PABPC4L: variants seen among roughly 807,000 people sequenced by gnomAD.
The protein encoded by PABPC4L is poly(A) binding protein cytoplasmic 4 like.
For synonymous variants in PABPC4L, 169 were observed against 164.1 expected, an observed-to-expected ratio of 1.03 and a Z score of -0.23; for missense variants, 452 against 451.4, an observed-to-expected ratio of 1.00 and a Z score of -0.01.
At chr4:134,161,412 G>A in the PABPC4L span, among the ~76,000 whole-genome samples, 1 of 151,978 alleles carries the variant, frequency 6.6e-6, no homozygotes, top group Non-Finnish European at 1.5e-5. Flanking sequence ...GATAAACAAA[G>A]AATCCTAATA....
At chr4:133,966,358 G>T in the PABPC4L span, among the ~76,000 whole-genome samples, 2 of 152,110 alleles carry the variant, frequency 1.3e-5, no homozygotes, top group Non-Finnish European at 1.5e-5. Flanking sequence ...CTGTTCATGG[G>T]AATGTAAGCT....
chr4:134,090,807 G>T, the PABPC4L span, among the ~76,000 whole-genome samples: 1 of 151,744 alleles, frequency 6.6e-6, no homozygotes. Context: ...CCTATGAAAT[G>T]ATGCAATAGT....
chr4:134,107,035 TA>T, the PABPC4L span, among the ~76,000 whole-genome samples: 1 of 151,490 alleles, frequency 6.6e-6, no homozygotes, highest in Non-Finnish European at 1.5e-5. Flanking sequence ...ATCATTTAAA[TA>T]ATAATAATAT....
the PABPC4L span, among the ~76,000 whole-genome samples, chr4:134,118,664 C>G: frequency 1.3e-5 from 2 of 151,532 alleles, no homozygotes; most frequent in South Asian, 4.1e-4. Context: ...ATTAATACAG[C>G]TGGATTTTAT....
At chr4:134,047,351 C>A in the PABPC4L span, among the ~76,000 whole-genome samples, 1 of 151,994 alleles carries the variant, frequency 6.6e-6, no homozygotes, top group Non-Finnish European at 1.5e-5. Context: ...CAGCCCTGAA[C>A]AAAGAACAGA....
chr4:134,059,580 G>T, the PABPC4L span, among the ~76,000 whole-genome samples: 594 of 151,010 alleles, frequency 3.9e-3, 4 homozygotes, highest in African/African-American at 0.014. Context: ...AGAACATATG[G>T]CACTGATGAA....
chr4:134,080,501 C>T, the PABPC4L span, among the ~76,000 whole-genome samples: 1 of 152,046 alleles, frequency 6.6e-6, no homozygotes, highest in African/African-American at 2.4e-5. Context: ...GAAAAAAAAT[C>T]CATTTTCCAG....
the PABPC4L span, among the ~76,000 whole-genome samples, chr4:134,058,207 G>A: frequency 1.2e-4 from 18 of 151,992 alleles, no homozygotes; most frequent in Non-Finnish European, 2.2e-4. Flanking sequence ...AAGGAAAAAA[G>A]AAATATAGAA....
chr4:133,951,367 T>C, the PABPC4L span, among the ~76,000 whole-genome samples: 9 of 152,288 alleles, frequency 5.9e-5, no homozygotes, highest in African/African-American at 2.2e-4. Context: ...TCTAGTAATA[T>C]GGCTTCATAT....
chr4:133,993,115 TAA>T, the PABPC4L span, among the ~76,000 whole-genome samples: 2 of 152,158 alleles, frequency 1.3e-5, no homozygotes, highest in Non-Finnish European at 2.9e-5. Flanking sequence ...TTTTATGTCT[TAA>T]GAGGTTTTAG....
chr4:134,083,021 C>T, the PABPC4L span, among the ~76,000 whole-genome samples: 1 of 152,282 alleles, frequency 6.6e-6, no homozygotes, highest in East Asian at 1.9e-4. Context: ...TCTTTCACCT[C>T]ACAGTGTGAC....
chr4:134,142,710 G>A, the PABPC4L span, among the ~76,000 whole-genome samples: 1 of 151,478 alleles, frequency 6.6e-6, no homozygotes, highest in African/African-American at 2.4e-5. Context: ...ATAAACTGCA[G>A]GAGGACTTAG....
the PABPC4L span, among the ~76,000 whole-genome samples, chr4:134,065,207 C>T: frequency 2.0e-5 from 3 of 152,154 alleles, no homozygotes; most frequent in Non-Finnish European, 2.9e-5. Flanking sequence ...TTTACATTCC[C>T]ACCAGCAATG....
At chr4:134,142,333 G>C in the PABPC4L span, among the ~76,000 whole-genome samples, 1 of 151,694 alleles carries the variant, frequency 6.6e-6, no homozygotes, top group South Asian at 2.1e-4. Context: ...TCATCCAGCA[G>C]ATGGCAATGA....
At chr4:133,961,592 T>C in the PABPC4L span, among the ~76,000 whole-genome samples, 39 of 152,136 alleles carry the variant, frequency 2.6e-4, no homozygotes, top group African/African-American at 9.2e-4. Flanking sequence ...GAGATGGCAA[T>C]GGCAACGCCC....
the PABPC4L span, among the ~76,000 whole-genome samples, chr4:134,191,119 T>C: frequency 6.6e-6 from 1 of 152,198 alleles, no homozygotes; most frequent in South Asian, 2.1e-4. Flanking sequence ...ATTGTGGCTA[T>C]GTTTATGGCT....
At chr4:134,016,555 C>T in the PABPC4L span, among the ~76,000 whole-genome samples, 10 of 152,234 alleles carry the variant, frequency 6.6e-5, no homozygotes, top group African/African-American at 2.2e-4. Context: ...TCCTTCACAT[C>T]GGTCACTCCC....
chr4:133,977,173 C>T, the PABPC4L span, among the ~76,000 whole-genome samples: 1 of 152,068 alleles, frequency 6.6e-6, no homozygotes, highest in Non-Finnish European at 1.5e-5. Context: ...AATAGGGACT[C>T]CTGTCCCTAT....
chr4:134,171,967 A>G, the PABPC4L span, among the ~76,000 whole-genome samples: 87 of 152,218 alleles, frequency 5.7e-4, 1 homozygote, highest in Middle Eastern at 6.8e-3. Flanking sequence ...CAGGGGCATG[A>G]AATATCTCTA....
Sources: allele counts gnomAD v4.1 joint callset (sites outside exome capture counted in the v4.1 genomes callset), GRCh38; gene constraint gnomAD v4.1.1; transcripts MANE v1.5; gene names NCBI Gene and HGNC (gene_info 2026-07-23, HGNC 2026-07-21).